The following ANKHD1 variants were observed in gnomAD, a reference collection of about 807,000 sequenced individuals.
ANKHD1 encodes ankyrin repeat and KH domain-containing protein 1.
ANKHD1 carries 31 observed loss-of-function variants against 230.5 expected under a neutral mutation model. The ratio of observed to expected loss-of-function variants is 0.13; its 90% CI spans 0.10 to 0.18. ANKHD1 has a LOEUF of 0.18. Among genes scored for constraint, ANKHD1 ranks in the 10% least tolerant of loss-of-function variants. ANKHD1 has a pLI of 1.00. For synonymous variants in ANKHD1, 1,074 were observed against 1,117.6 expected (o/e 0.96, Z 0.78); for missense variants, 2,256 against 3,071.3 (o/e 0.73, Z 6.27).
At chr5:140,440,953 G>T (rs755792611) in intron 4 of ANKHD1, 42 bp from the exon 5 acceptor site, 2 of 1,498,776 alleles carry the variant, frequency 1.3e-6, no homozygotes, top group Non-Finnish European at 1.8e-6. Flanking sequence ...CTATTGAATA[G>T]TAAGAATTAA....
chr5:140,425,997 G>A (rs964268150), intron 1 of ANKHD1, among the ~76,000 whole-genome samples: 6 of 152,110 alleles, frequency 3.9e-5, no homozygotes, highest in African/African-American at 1.4e-4. Context: ...CGTTGGGTAG[G>A]GGAAGGATAA....
intron 1 of ANKHD1, among the ~76,000 whole-genome samples, chr5:140,428,830 TAGAGTGC>T (rs1772774638): frequency 6.6e-6 from 1 of 152,100 alleles, no homozygotes; most frequent in African/African-American, 2.4e-5. Context: ...TTGCCCAGGT[TAGAGTGC>T]AGTGGCGCGA....
chr5:140,531,260 GT>G, intron 29 of ANKHD1: 1 of 412,318 alleles, frequency 2.4e-6, no homozygotes, highest in Non-Finnish European at 4.8e-6. Context: ...CACGGATATA[GT>G]TTACTTTCCT....
At chr5:140,456,199 G>C (rs977901368) in intron 7 of ANKHD1, among the ~76,000 whole-genome samples, 15 of 152,036 alleles carry the variant, frequency 9.9e-5, no homozygotes, top group African/African-American at 7.2e-5. Context: ...CACTGCTCAA[G>C]GAAATAAAAG....
rs1278834934 is a variant in ANKHD1, at chr5:140,509,650, C to T, written c.3779C>T (p.Pro1260Leu). Residue 1260 changes from proline (P) to leucine (L), a missense_variant, in exon 21 of 34, where the codon CCC becomes CTC. Pro to Leu is a moderately conservative substitution (Grantham distance 98, BLOSUM62 -3). Transcript: ENST00000360839. ...TGGTTTAAACAGACGGGTCTTACCC[C>T]CTTGATGGAAGCAGCTTCTGGAGGG... ...VEHRAKTGLTPLMEAASGGYA... is the reference protein window; with the variant it reads ...VEHRAKTGLTLLMEAASGGYA... 1.9e-6 allele frequency: 3 copies of T among 1,581,354 alleles called. No homozygotes were observed. The highest frequency in any genetic ancestry group is 1.7e-6 in the Non-Finnish European group (2 of 1,167,112).
Position 140,527,792 on chromosome 5 carries a change from C to T in ANKHD1, c.5088-81C>T, listed in dbSNP as rs377694081. 1 of 1,426,740 alleles carries T rather than the reference C, an allele frequency of 7.0e-7. No individual in the cohort carries two copies. 88.4% of individuals were successfully genotyped at this position (1,426,740 alleles called of 1,614,324 possible). Reference sequence around the variant, plus strand: ...AAGAAATGTTATTCTCCAAAATGTCCATGAACATACTTACTAAGACATCTT... The same window carrying T: ...AAGAAATGTTATTCTCCAAAATGTCTATGAACATACTTACTAAGACATCTT... On this transcript the variant is annotated intron_variant, in intron 27 of 33. Coordinates refer to ENST00000360839, the MANE Select transcript of ANKHD1 (RefSeq NM_017747.3). The surrounding 1 kb of genome is among the most constrained non-coding windows in gnomAD (Gnocchi z 4.5).
chr5:140,495,421 A>G (rs562645574), intron 14 of ANKHD1, among the ~76,000 whole-genome samples: 48 of 151,824 alleles, frequency 3.2e-4, no homozygotes, highest in African/African-American at 1.0e-3. Flanking sequence ...GATTTTTTGT[A>G]TTTTTAGTAG....
At chr5:140,472,428 A>G (rs1776559009) in intron 10 of ANKHD1, 1 of 1,390,346 alleles carries the variant, frequency 7.2e-7, no homozygotes, top group Non-Finnish European at 9.4e-7. Flanking sequence ...ATCCTCTTCA[A>G]TTGAAAAAGA....
At chr5:140,462,709 A>C (rs1775792232) in intron 9 of ANKHD1, among the ~76,000 whole-genome samples, 1 of 99,806 alleles carries the variant, frequency 1.0e-5, no homozygotes, top group Admixed American at 1.3e-4. Context: ...TGGGTGACAG[A>C]GCGAGACTCC....
chr5:140,440,049 T>C, intron 3 of ANKHD1, 70 bp from the exon 4 acceptor site: 1 of 1,418,328 alleles, frequency 7.1e-7, no homozygotes, highest in East Asian at 2.6e-5. Flanking sequence ...CTATTTATAT[T>C]TAATATAATT....
In ANKHD1 at chr5:140,429,703, A is replaced by C. The variant is rs570101238; in HGVS notation, c.307-6401A>C. Among the ~76,000 whole-genome samples, 17 of 152,304 alleles carry C rather than the reference A, an allele frequency of 1.1e-4. No individual in the cohort carries two copies. The South Asian group carries it at 1.2e-3, about 11-fold the overall frequency. ...ACATTTTCTGTGTTAGCTAGCAATTACTATTTCTAGAAATACAGTCTGAGA... is the reference window on the plus strand; with the variant it reads ...ACATTTTCTGTGTTAGCTAGCAATTCCTATTTCTAGAAATACAGTCTGAGA... On this transcript the variant is annotated intron_variant, in intron 1 of 33. Transcript: ENST00000360839.
intron 14 of ANKHD1, among the ~76,000 whole-genome samples, chr5:140,493,006 T>C (rs1751876313): frequency 6.6e-6 from 1 of 152,134 alleles, no homozygotes; most frequent in Admixed American, 6.6e-5. Context: ...GGAGGGAAAG[T>C]GAGAGGCAAA....
At chr5:140,429,282 C>T (rs1295295000) in intron 1 of ANKHD1, among the ~76,000 whole-genome samples, 5 of 151,600 alleles carry the variant, frequency 3.3e-5, no homozygotes, top group East Asian at 1.9e-4. Context: ...TTAGTAAAGA[C>T]GGGGTTTCAC....
At position 140,459,109 on chromosome 5, in the gene ANKHD1, T is replaced by C. The variant is rs549933411; in HGVS notation, c.1481-55T>C. The C allele has an allele frequency of 5.2e-5, 71 of 1,360,814 alleles. No homozygotes were observed. The Admixed American group carries it at 1.0e-3, about 19-fold the overall frequency. 84.3% of individuals were successfully genotyped at this position (1,360,814 alleles called of 1,614,324 possible). A position where few individuals can be genotyped will look rare whatever the true frequency, so the allele number is the denominator to read the frequency against. ...TGATTATCACAATTCAGAAAATTAA[T>C]ATCTTTATTATAAGTCTCTTGCAAC... is the stretch of plus-strand genomic sequence containing the variant. On this transcript the variant is annotated intron_variant, in intron 8 of 33. Transcript: ENST00000360839.
At chr5:140,418,241 A>G (rs1771575679) in intron 1 of ANKHD1, among the ~76,000 whole-genome samples, 1 of 147,796 alleles carries the variant, frequency 6.8e-6, no homozygotes, top group Admixed American at 6.9e-5. Context: ...CAACCTCCCC[A>G]GGCTCAGGTG....
At position 140,526,811 on chromosome 5, in the gene ANKHD1, G is replaced by C. The variant is rs1247250786; in HGVS notation, c.4941-117G>C. ...TGTTTTTCTGACTCATTGATTATTT[G>C]ATGTGCCAAAGTTTAATACGAATAT... is the stretch of plus-strand genomic sequence containing the variant. On this transcript the variant is annotated intron_variant, in intron 26 of 33. Transcript: ENST00000360839. The C allele has an allele frequency of 3.7e-6, 5 of 1,347,414 alleles. No individual in the cohort carries two copies. The African/African-American group carries it at 7.5e-5, about 20-fold the overall frequency. The allele number at this position is 1,347,414 out of a possible 1,614,324, so 83.5% of individuals were successfully genotyped here.
intron 15 of ANKHD1, among the ~76,000 whole-genome samples, chr5:140,503,853 G>T (rs1336071499): frequency 6.6e-6 from 1 of 151,846 alleles, no homozygotes; most frequent in African/African-American, 2.4e-5. Flanking sequence ...CAGGATTATA[G>T]GCGTGAGCCA....
chr5:140,486,986 C>A lies in ANKHD1; in HGVS notation c.2171C>A (p.Ala724Asp), dbSNP rs1751533050. 3.1e-6 allele frequency: 5 copies of A among 1,613,184 alleles called. No homozygotes were observed. Among genetic ancestry groups the A allele is most frequent in the Middle Eastern group, 3.3e-4 (2 of 6,080 alleles). ...CCACGTGTGCCAACGCATACACTTGCCATGGTTGTACCTCCCCAGGAACCT... is the reference window on the plus strand; with the variant it reads ...CCACGTGTGCCAACGCATACACTTGACATGGTTGTACCTCCCCAGGAACCT... ...QVPRVPTHTL[A>D]MVVPPQEPDR... The change falls in exon 14 of 34, where the codon GCC (alanine) becomes GAC (aspartate). Residue 724 changes from alanine (A) to aspartate (D), a missense_variant. This residue lies in a region of ANKHD1 where 358 missense variants were observed against 397.7 expected (regional missense o/e 0.90). Coordinates refer to ENST00000360839, the MANE Select transcript of ANKHD1 (RefSeq NM_017747.3).
At chr5:140,525,481 T>TGAACTCTTGAGCG (rs1561830763) in intron 25 of ANKHD1, among the ~76,000 whole-genome samples, 1 of 152,144 alleles carries the variant, frequency 6.6e-6, no homozygotes, top group Non-Finnish European at 1.5e-5. Flanking sequence ...CAGGAGATCT[T>TGAACTCTTGAGCG]GAACTCTTGA....
Sources: allele counts gnomAD v4.1 joint callset (sites outside exome capture counted in the v4.1 genomes callset), GRCh38; gene constraint gnomAD v4.1.1; regional missense constraint gnomAD v4.1.1; non-coding constraint Gnocchi (gnomAD v3.1); transcripts MANE v1.5; gene names NCBI Gene and HGNC (gene_info 2026-07-23, HGNC 2026-07-21).